The following KLF12 variants were observed in gnomAD, a reference collection of about 807,000 sequenced individuals.
KLF12 encodes the protein Krueppel-like factor 12.
Under a neutral mutation model 37.8 loss-of-function variants are expected in KLF12, and 9 were observed. The observed-to-expected ratio is 0.24, with a 90% CI of 0.14 to 0.42. The LOEUF is 0.42. KLF12 is among the 10% of genes least tolerant of loss of function. The pLI, the probability that KLF12 is intolerant of heterozygous loss-of-function variation, is 1.00. For missense variants in KLF12, 411 were observed against 516.0 expected, an observed-to-expected ratio of 0.80 and a Z score of 1.97; for synonymous variants, 208 against 202.1, an observed-to-expected ratio of 1.03 and a Z score of -0.25.
At chr13:73,783,156 T>C (rs1213819890) in intron 5 of KLF12, among the ~76,000 whole-genome samples, 2 of 152,106 alleles carry the variant, frequency 1.3e-5, no homozygotes, top group East Asian at 1.9e-4. Context: ...AAAAAAAGTA[T>C]AAAATCCTGT....
At chr13:73,849,661 C>T (rs1406172757) in intron 3 of KLF12, among the ~76,000 whole-genome samples, 7 of 152,046 alleles carry the variant, frequency 4.6e-5, no homozygotes, top group Admixed American at 4.6e-4. Context: ...AAAGAAAGGT[C>T]GTAAGTTTTA....
At chr13:73,891,593 G>C (rs925728042) in intron 3 of KLF12, among the ~76,000 whole-genome samples, 2 of 152,080 alleles carry the variant, frequency 1.3e-5, no homozygotes, top group Admixed American at 1.3e-4. Context: ...TTGTAATCAA[G>C]ACTGGTTTGG....
In KLF12 at chr13:73,873,188, C is replaced by A. The variant is rs148667898; in HGVS notation, c.124-26815G>T. ...GATCTATTTGACCAGTTTTGCTCTCCCCTCTGCTCCCATTAAATGAGGACT... is the reference window on the plus strand; with the variant it reads ...GATCTATTTGACCAGTTTTGCTCTCACCTCTGCTCCCATTAAATGAGGACT... On this transcript the variant is annotated intron_variant, in intron 3 of 7. Transcript: ENST00000377669. Among the ~76,000 whole-genome samples, 593 of 152,048 alleles carry A rather than the reference C, an allele frequency of 3.9e-3. 3 individuals carry two copies. Among genetic ancestry groups the A allele is most frequent in the African/African-American group, 0.013 (550 of 41,484 alleles).
At position 73,690,618 on chromosome 13, in the gene KLF12, C is replaced by T. The variant is rs1377687865; in HGVS notation, c.*4872G>A. On this transcript the variant is annotated 3_prime_UTR_variant, in exon 8 of 8. Coordinates refer to ENST00000377669, the MANE Select transcript of KLF12 (RefSeq NM_007249.5). The stretch of plus-strand genomic sequence containing the variant: ...TGACAAGTGGCCACTCTATTTTGAA[C>T]AGAACACGAAGAGCATGCTCTGACA... 6.6e-6 allele frequency: 1 copy of T among 152,180 alleles called. No individual in the cohort carries two copies. The highest frequency in any genetic ancestry group is 1.5e-5 in the Non-Finnish European group (1 of 68,026). The allele number at this position is 152,180 out of a possible 1,614,324, so 9.4% of individuals were successfully genotyped here. A position where few individuals can be genotyped will look rare whatever the true frequency, so the allele number is the denominator to read the frequency against.
Position 73,879,465 on chromosome 13 carries a change from C to G in KLF12, c.124-33092G>C, listed in dbSNP as rs928628326. 2.6e-5 allele frequency among the ~76,000 whole-genome samples: 4 copies of G among 152,166 alleles called. 1 individual carries two copies. The Middle Eastern group carries it at 9.5e-3, about 361-fold the overall frequency. ...GTAGGTAATTATACACTGTAGACAA[C>G]TGCTTTATATAACTCTAAGAAAAGT... On this transcript the variant is annotated intron_variant, in intron 3 of 7. Transcript: ENST00000377669.
intron 3 of KLF12, among the ~76,000 whole-genome samples, chr13:73,898,330 C>A (rs1433275944): frequency 3.3e-5 from 5 of 152,200 alleles, no homozygotes; most frequent in Non-Finnish European, 7.3e-5. Flanking sequence ...CAAAGGACAA[C>A]ATTCTCTCTC....
intron 3 of KLF12, among the ~76,000 whole-genome samples, chr13:73,912,636 C>A (rs1478694652): frequency 1.3e-5 from 2 of 152,126 alleles, no homozygotes; most frequent in Non-Finnish European, 2.9e-5. Context: ...GAGCCCATGT[C>A]CCTGTTGACA....
chr13:74,242,462 C>T, the KLF12 span, among the ~76,000 whole-genome samples: 158 of 152,294 alleles, frequency 1.0e-3, no homozygotes, highest in Admixed American at 2.4e-3. Flanking sequence ...TAGACTTATT[C>T]ACTACCACAA....
chr13:73,971,995 T>C (rs1041490054), intron 2 of KLF12, among the ~76,000 whole-genome samples: 2 of 152,202 alleles, frequency 1.3e-5, no homozygotes, highest in African/African-American at 4.8e-5. Context: ...AATCAGACTT[T>C]GGGTGCTACC....
chr13:74,179,761 T>C, the KLF12 span, among the ~76,000 whole-genome samples: 7 of 152,156 alleles, frequency 4.6e-5, no homozygotes, highest in African/African-American at 1.7e-4. Context: ...CCCTCTTCTT[T>C]CTATGAATGG....
the KLF12 span, among the ~76,000 whole-genome samples, chr13:74,256,567 C>T: frequency 6.6e-6 from 1 of 152,150 alleles, no homozygotes; most frequent in African/African-American, 2.4e-5. Context: ...AGCCCTTCAA[C>T]CCACCAGCGA....
chr13:74,136,941 T>G (rs976962493), upstream of KLF12, among the ~76,000 whole-genome samples: 11 of 152,232 alleles, frequency 7.2e-5, no homozygotes, highest in African/African-American at 2.7e-4. Flanking sequence ...CTTCATTGTG[T>G]GGACTTGGGG....
At chr13:73,831,514 T>C (rs1884156330) in intron 4 of KLF12, among the ~76,000 whole-genome samples, 1 of 152,208 alleles carries the variant, frequency 6.6e-6, no homozygotes, top group Admixed American at 6.5e-5. Context: ...AATTTAACCT[T>C]TCTTTCATTA....
At chr13:73,820,483 T>C (rs1189058086) in intron 4 of KLF12, among the ~76,000 whole-genome samples, 1 of 152,194 alleles carries the variant, frequency 6.6e-6, no homozygotes, top group Non-Finnish European at 1.5e-5. Flanking sequence ...ACTCCAAGAT[T>C]AGAAATAGCT....
At chr13:74,037,407 C>A (rs868253414) in intron 1 of KLF12, among the ~76,000 whole-genome samples, 2 of 151,996 alleles carry the variant, frequency 1.3e-5, no homozygotes, top group African/African-American at 4.8e-5. Context: ...CCCATTTAGA[C>A]CCCCCATGCC....
At chr13:73,834,397 C>T (rs1884318949) in intron 4 of KLF12, among the ~76,000 whole-genome samples, 1 of 152,204 alleles carries the variant, frequency 6.6e-6, no homozygotes, top group Non-Finnish European at 1.5e-5. Flanking sequence ...GATGAATTCT[C>T]CAAGGGCTAT....
intron 1 of KLF12, among the ~76,000 whole-genome samples, chr13:74,007,477 G>A (rs557657797): frequency 3.8e-4 from 57 of 151,610 alleles, no homozygotes; most frequent in African/African-American, 5.6e-4. Context: ...GGGTTTCACC[G>A]TGTTCGCCAG....
chr13:73,719,894 C>T (rs140935371), intron 6 of KLF12, among the ~76,000 whole-genome samples: 4 of 152,178 alleles, frequency 2.6e-5, no homozygotes, highest in East Asian at 1.9e-4. Flanking sequence ...CCACCATGCC[C>T]GGCCAAGTTT....
the KLF12 span, among the ~76,000 whole-genome samples, chr13:74,273,211 A>G: frequency 2.0e-5 from 3 of 152,188 alleles, no homozygotes; most frequent in African/African-American, 4.8e-5. Context: ...TACAGAAACA[A>G]TGCCAGATTT....
Sources: allele counts gnomAD v4.1 joint callset (sites outside exome capture counted in the v4.1 genomes callset), GRCh38; gene constraint gnomAD v4.1.1; transcripts MANE v1.5; gene names NCBI Gene and HGNC (gene_info 2026-07-23, HGNC 2026-07-21).